The following LRRC40 variants were observed in gnomAD, a reference collection of about 807,000 sequenced individuals.
The protein encoded by LRRC40 is leucine-rich repeat-containing protein 40.
A neutral mutation model predicts 72.8 loss-of-function variants in LRRC40; 76 were observed. That is an observed-to-expected ratio of 1.04 (90% CI 0.87 to 1.26). The LOEUF (loss-of-function observed/expected upper bound fraction) is 1.26. LRRC40 is among the 50% of genes most tolerant of loss of function. The probability of loss-of-function intolerance (pLI) is 0.00; values close to 1 mark genes in which losing one functional copy is unlikely to be tolerated. For missense variants in LRRC40, 684 were observed against 698.9 expected (o/e 0.98, Z 0.24); for synonymous variants, 243 against 254.2 (o/e 0.96, Z 0.42).
Position 70,159,395 on chromosome 1 carries a change from C to G in LRRC40, c.1155G>C (p.Met385Ile). 1 of 1,599,180 alleles carries G rather than the reference C, an allele frequency of 6.3e-7. No individual in the cohort carries two copies. The highest frequency in any genetic ancestry group is 8.5e-7 in the Non-Finnish European group (1 of 1,170,200). Residue 385 changes from methionine to isoleucine, a missense_variant, in exon 10 of 15, where the codon ATG (methionine) becomes ATC (isoleucine). Met to Ile is a conservative substitution (Grantham distance 10). Coordinates refer to ENST00000370952, the MANE Select transcript of LRRC40 (RefSeq NM_017768.5). ...SQSESATETA[M>I]TLPSESRVNI... ...TGACTCTGGATTCACTTGGTAGTGT[C>G]ATGGCAGTCTCAGTAGCAGACTCAC...
At position 70,173,687 on chromosome 1, in the gene LRRC40, G is replaced by T. The variant is rs1273843001; in HGVS notation, c.1000C>A (p.Leu334Ile). The T allele has an allele frequency of 6.4e-7, 1 of 1,559,406 alleles. No individual in the cohort carries two copies. The highest frequency in any genetic ancestry group is 1.4e-5 in the African/African-American group (1 of 73,466). The change falls in exon 8 of 15, where the codon CTT becomes ATT. Residue 334 changes from leucine (L) to isoleucine (I), a missense_variant. Transcript: ENST00000370952. ...ISSLPYSLGN[L>I]HLKFLALEGN... Reference sequence around the variant, plus strand: ...TCTAATGCCAAAAATTTCAAATGAAGGTTCCCCAATGAATAGGGAAGACTA... The same window carrying T: ...TCTAATGCCAAAAATTTCAAATGAATGTTCCCCAATGAATAGGGAAGACTA...
intron 1 of LRRC40, 71 bp downstream of exon 1, chr1:70,205,319 G>T (rs1162187446): frequency 4.6e-5 from 65 of 1,423,666 alleles, no homozygotes; most frequent in Non-Finnish European, 1.3e-5. Flanking sequence ...CCAGCCCAGA[G>T]AAAAGGGAGG....
At chr1:70,161,576 G>T (rs1325626692) in intron 9 of LRRC40, among the ~76,000 whole-genome samples, 1 of 151,338 alleles carries the variant, frequency 6.6e-6, no homozygotes, top group Non-Finnish European at 1.5e-5. Flanking sequence ...AAGAAAGAAA[G>T]AAATTTTCAA....
chr1:70,152,531 C>A lies in LRRC40; in HGVS notation c.1341G>T (p.Leu447=). Residue 447 remains leucine (L), a synonymous_variant, in exon 12 of 15, where the codon CTG becomes CTT. Coordinates refer to ENST00000370952, the MANE Select transcript of LRRC40 (RefSeq NM_017768.5). ...LCEIPKRMVE[L]KEMVSDVDLS... ...GATCGACATCAGAAACCATTTCCTTCAGTTCTACCATCCTGAAACAAAAAT... is the reference window on the plus strand; with the variant it reads ...GATCGACATCAGAAACCATTTCCTTAAGTTCTACCATCCTGAAACAAAAAT... The A allele has an allele frequency of 6.4e-7, 1 of 1,567,318 alleles. No homozygotes were observed. Among genetic ancestry groups the A allele is most frequent in the Non-Finnish European group, 8.8e-7 (1 of 1,139,648 alleles).
chr1:70,146,286 A>C (rs1667290421), intron 14 of LRRC40, among the ~76,000 whole-genome samples: 1 of 152,098 alleles, frequency 6.6e-6, no homozygotes, highest in Admixed American at 6.6e-5. Flanking sequence ...CAGCCTCCCA[A>C]AGTACTGGGA....
chr1:70,146,163 T>TC (rs1356597687), intron 14 of LRRC40, among the ~76,000 whole-genome samples: 1 of 152,082 alleles, frequency 6.6e-6, no homozygotes, highest in Non-Finnish European at 1.5e-5. Flanking sequence ...TAGCTGGGAT[T>TC]ACAGGTGTGT....
intron 1 of LRRC40, among the ~76,000 whole-genome samples, chr1:70,196,632 C>CA (rs1668618029): frequency 6.7e-6 from 1 of 149,818 alleles, no homozygotes; most frequent in African/African-American, 2.5e-5. Flanking sequence ...AAGCCCTAAG[C>CA]GAAAAAAAAA....
intron 9 of LRRC40, among the ~76,000 whole-genome samples, chr1:70,167,244 A>AG (rs1295147595): frequency 2.6e-5 from 4 of 151,432 alleles, no homozygotes; most frequent in Admixed American, 2.6e-4. Flanking sequence ...AAAAAAAAAA[A>AG]AAAGAAAAAA....
intron 11 of LRRC40, among the ~76,000 whole-genome samples, chr1:70,155,444 A>G (rs748309578): frequency 6.6e-6 from 1 of 152,078 alleles, no homozygotes; most frequent in Non-Finnish European, 1.5e-5. Context: ...CCATTTTCCA[A>G]GTTTAAACAT....
At chr1:70,196,968 G>A (rs142069233) in intron 1 of LRRC40, among the ~76,000 whole-genome samples, 43 of 152,098 alleles carry the variant, frequency 2.8e-4, no homozygotes, top group African/African-American at 6.7e-4. Flanking sequence ...CAATTCTATC[G>A]GAAAAATATA....
intron 1 of LRRC40, among the ~76,000 whole-genome samples, chr1:70,197,960 C>T (rs1435283931): frequency 6.6e-6 from 1 of 151,874 alleles, no homozygotes; most frequent in African/African-American, 2.4e-5. Context: ...CGAAGTTTTG[C>T]CTTGTTGCCC....
At chr1:70,194,183 T>C (rs1287002151) in intron 1 of LRRC40, among the ~76,000 whole-genome samples, 3 of 152,072 alleles carry the variant, frequency 2.0e-5, no homozygotes, top group Non-Finnish European at 4.4e-5. Context: ...ACTATGATCA[T>C]CTATGTACAA....
Position 70,145,225 on chromosome 1 carries a change from T to A in LRRC40, c.*575A>T, listed in dbSNP as rs1042047247. The A allele has an allele frequency of 6.6e-6, 1 of 152,176 alleles. No individual in the cohort carries two copies. Among genetic ancestry groups the A allele is most frequent in the Non-Finnish European group, 1.5e-5 (1 of 68,012 alleles). 9.4% of individuals were successfully genotyped at this position (152,176 alleles called of 1,614,324 possible). On this transcript the variant is annotated 3_prime_UTR_variant, in exon 15 of 15. Transcript: ENST00000370952. ...GTAATGAAAAGTCTTATTTTTAATATATTTTTGTTTCCTTTTTCTTTTGAC... is the reference window on the plus strand; with the variant it reads ...GTAATGAAAAGTCTTATTTTTAATAAATTTTTGTTTCCTTTTTCTTTTGAC...
intron 1 of LRRC40, among the ~76,000 whole-genome samples, chr1:70,193,427 T>C (rs1269758827): frequency 6.6e-6 from 1 of 150,970 alleles, no homozygotes; most frequent in Admixed American, 6.6e-5. Flanking sequence ...ACAACCACAA[T>C]AGAAAGTAGC....
chr1:70,148,137 C>CAAA (rs35638808), intron 14 of LRRC40: 11 of 94,180 alleles, frequency 1.2e-4, no homozygotes, highest in Non-Finnish European at 1.5e-4. Context: ...CAATCAATTT[C>CAAA]AAAAAAAAAA....
intron 1 of LRRC40, among the ~76,000 whole-genome samples, chr1:70,197,323 G>A (rs1558129675): frequency 1.3e-5 from 2 of 151,904 alleles, no homozygotes; most frequent in Admixed American, 6.6e-5. Context: ...TGTCACCCAG[G>A]CTGGAGTACA....
intron 5 of LRRC40, 78 bp from the exon 6 acceptor site, chr1:70,179,071 TGTAAG>T: frequency 1.2e-6 from 1 of 823,318 alleles, no homozygotes; most frequent in Non-Finnish European, 1.8e-6. Flanking sequence ...TTAAAGAATG[TGTAAG>T]AAATCGCTAT....
chr1:70,154,518 T>TC (rs1268089210), intron 11 of LRRC40, among the ~76,000 whole-genome samples: 9 of 152,188 alleles, frequency 5.9e-5, no homozygotes, highest in Non-Finnish European at 1.3e-4. Context: ...ATCCTCTCAG[T>TC]CCTTTAAAAC....
Position 70,184,900 on chromosome 1 carries a change from T to C in LRRC40, c.422A>G (p.Lys141Arg). 1 of 1,602,518 alleles carries C rather than the reference T, an allele frequency of 6.2e-7. No homozygotes were observed. The highest frequency in any genetic ancestry group is 8.5e-7 in the Non-Finnish European group (1 of 1,170,746). ...QKLNVSHNKLKILPEEITNLR... is the reference protein window; with the variant it reads ...QKLNVSHNKLRILPEEITNLR... ...GTTTGTAATTTCTTCAGGGAGTATTTTCAGTTTATTATGGCTATTGGTTGA... is the reference window on the plus strand; with the variant it reads ...GTTTGTAATTTCTTCAGGGAGTATTCTCAGTTTATTATGGCTATTGGTTGA... The change falls in exon 4 of 15, where the codon AAA (lysine) becomes AGA (arginine). Residue 141 changes from lysine to arginine, a missense_variant. Coordinates refer to ENST00000370952, the MANE Select transcript of LRRC40 (RefSeq NM_017768.5).
Sources: gnomAD v4.1 joint callset for allele counts (sites outside exome capture counted in the v4.1 genomes callset) on GRCh38, gnomAD v4.1.1 for gene constraint, MANE v1.5 for transcripts, NCBI Gene and HGNC (gene_info 2026-07-23, HGNC 2026-07-21) for gene names.